Variants in MICAL3 observed in about 807,000 individuals in gnomAD.
MICAL3 encodes the protein microtubule associated monooxygenase, calponin and LIM domain containing 3, also known as [F-actin]-monooxygenase MICAL3.
In MICAL3, 62 loss-of-function variants were observed where a neutral mutation model predicts 207.4. The observed-to-expected ratio is 0.30, with a 90% CI of 0.24 to 0.37. The LOEUF is 0.37. MICAL3 is among the 10% of genes least tolerant of loss of function. MICAL3 has a pLI of 1.00. For synonymous variants in MICAL3, 1,077 were observed against 1,069.3 expected (o/e 1.01, Z -0.14); for missense variants, 2,368 against 2,635.6 (o/e 0.90, Z 2.22).
At chr22:17,820,546 G>T (rs958944267) in intron 25 of MICAL3, among the ~76,000 whole-genome samples, 1 of 152,138 alleles carries the variant, frequency 6.6e-6, no homozygotes, top group Non-Finnish European at 1.5e-5. Flanking sequence ...AGTAGAGACA[G>T]GCTATCACTG....
rs1217192232 is a variant in MICAL3, at chr22:17,902,163, C to G, written c.590-184G>C. 6.6e-6 allele frequency among the ~76,000 whole-genome samples: 1 copy of G among 152,204 alleles called. No individual in the cohort carries two copies. Among genetic ancestry groups the G allele is most frequent in the Non-Finnish European group, 1.5e-5 (1 of 68,028 alleles). Reference sequence around the variant, plus strand: ...CCTCTAATCCCAGCACTATGCGAGGCAGAGGCTGGCAGACTACTTGAGGCC... The same window carrying G: ...CCTCTAATCCCAGCACTATGCGAGGGAGAGGCTGGCAGACTACTTGAGGCC... On this transcript the variant is annotated intron_variant, in intron 4 of 31. Transcript: ENST00000441493. This position sits in a 1 kb window ranked among gnomAD's most constrained non-coding sequence, Gnocchi z 4.5.
rs1432875243 is a variant in MICAL3, at chr22:17,947,714, A to C, written c.-74-40828T>G. 4.6e-5 allele frequency among the ~76,000 whole-genome samples: 7 copies of C among 151,422 alleles called. No individual in the cohort carries two copies. The East Asian group carries it at 1.4e-3, about 29-fold the overall frequency. ...GCTGGGACCACAGGCGATGGTGTGC[A>C]CCACCACACCCGGCTGATATTTTCT... On this transcript the variant is annotated intron_variant, in intron 1 of 31. Coordinates refer to ENST00000441493, the MANE Select transcript of MICAL3 (RefSeq NM_015241.3).
chr22:17,910,759 G>C (rs945377673), intron 1 of MICAL3, among the ~76,000 whole-genome samples: 2 of 152,172 alleles, frequency 1.3e-5, no homozygotes, highest in African/African-American at 4.8e-5. Flanking sequence ...GGGCTTACCC[G>C]GCATTCTCCT....
intron 20 of MICAL3, among the ~76,000 whole-genome samples, chr22:17,836,515 C>G (rs1923387079): frequency 6.6e-6 from 1 of 152,182 alleles, no homozygotes; most frequent in Middle Eastern, 3.2e-3. Context: ...AGGGTGGCTA[C>G]TGTCAGGAAG....
rs988545106 is a variant in MICAL3 at position 17,864,431 on chromosome 22, G to A, written c.2605+468C>T. 33 of 1,401,372 alleles carry A rather than the reference G, an allele frequency of 2.4e-5. No individual in the cohort carries two copies. In the African/African-American group the frequency reaches 2.9e-4, roughly 12 times the overall value. 86.8% of individuals were successfully genotyped at this position (1,401,372 alleles called of 1,614,324 possible). On this transcript the variant is annotated intron_variant, in intron 19 of 31. Transcript: ENST00000441493. Reference sequence around the variant, plus strand: ...GAAGGTGAACCCAAAACAAGACCACGGGGCTTAATCAACACAGCTCCAGGC... The same window carrying A: ...GAAGGTGAACCCAAAACAAGACCACAGGGCTTAATCAACACAGCTCCAGGC...
chr22:17,996,180 C>T (rs1922253228), intron 1 of MICAL3, among the ~76,000 whole-genome samples: 1 of 150,058 alleles, frequency 6.7e-6, no homozygotes, highest in Non-Finnish European at 1.5e-5. Context: ...TGGCTCACAC[C>T]TGTAATCCCA....
intron 1 of MICAL3, among the ~76,000 whole-genome samples, chr22:17,986,184 C>T (rs530071008): frequency 3.3e-5 from 5 of 152,296 alleles, no homozygotes; most frequent in Non-Finnish European, 7.4e-5. Context: ...GGATTACAGG[C>T]GTGAGCCACC....
chr22:17,952,924 G>GT (rs1934419210), intron 1 of MICAL3, among the ~76,000 whole-genome samples: 3 of 152,208 alleles, frequency 2.0e-5, no homozygotes, highest in Admixed American at 1.3e-4. Context: ...TGTAACATAT[G>GT]TAAAATGCCT....
rs990941087 is a variant in MICAL3 at position 17,818,332 on chromosome 22, C to T, written c.4329G>A (p.Gln1443=). 2.1e-5 allele frequency: 33 copies of T among 1,587,466 alleles called. No homozygotes were observed. The African/African-American group carries it at 3.9e-4, about 19-fold the overall frequency. The change falls in exon 26 of 32, where the codon CAG becomes CAA. Residue 1443 remains glutamine (Q), a synonymous_variant. Transcript: ENST00000441493. Reference sequence around the variant, plus strand: ...TGGCGGAGTCCGAGGTGTTGAAGCTCTGGCTGCCCAGTGTCTTCATGTTGG... The same window carrying T: ...TGGCGGAGTCCGAGGTGTTGAAGCTTTGGCTGCCCAGTGTCTTCATGTTGG... ...SSSNMKTLGS[Q]SFNTSDSAML...
At chr22:17,953,622 G>A (rs1934455718) in intron 1 of MICAL3, among the ~76,000 whole-genome samples, 1 of 152,096 alleles carries the variant, frequency 6.6e-6, no homozygotes, top group Non-Finnish European at 1.5e-5. Flanking sequence ...GAAACTCCTT[G>A]CTCTAGTGTT....
chr22:17,876,874 G>GGGAAGTTAT (rs1928538087), intron 16 of MICAL3: 1 of 18,558 alleles, frequency 5.4e-5, no homozygotes, highest in Admixed American at 5.4e-4. Flanking sequence ...AGGGAGGTTA[G>GGGAAGTTAT]GGAGGTTAGG....
intron 16 of MICAL3, among the ~76,000 whole-genome samples, chr22:17,877,522 G>GGAGGTTAGGGAGGTTAA: frequency 1.9e-5 from 1 of 51,708 alleles, no homozygotes; most frequent in Non-Finnish European, 4.0e-5. Flanking sequence ...AGGGAGGTTA[G>GGAGGTTAGGGAGGTTAA]GGAGGTGAGG....
At chr22:17,975,517 G>A (rs2146420886) in intron 1 of MICAL3, among the ~76,000 whole-genome samples, 1 of 151,726 alleles carries the variant, frequency 6.6e-6, no homozygotes, top group East Asian at 1.9e-4. Context: ...CCCACACCCA[G>A]CCCCCCAGCT....
rs1929664581 is a variant in MICAL3 at position 17,884,148 on chromosome 22, G to A, written c.2241+1730C>T. On this transcript the variant is annotated intron_variant, in intron 16 of 31. Coordinates refer to ENST00000441493, the MANE Select transcript of MICAL3 (RefSeq NM_015241.3). ...GTTTTCCCAGAGCTACTACTCGAAT[G>A]AGCAGAGATTTCCTGCCCTCATGAG... 1.2e-5 allele frequency: 7 copies of A among 570,416 alleles called. No individual in the cohort carries two copies. In the East Asian group the frequency reaches 2.4e-4, roughly 19 times the overall value. The allele number at this position is 570,416 out of a possible 1,614,324, so 35.3% of individuals were successfully genotyped here. A position where few individuals can be genotyped will look rare whatever the true frequency, so the allele number is the denominator to read the frequency against.
rs558044179 is a variant in MICAL3, at chr22:17,810,346, A to T, written c.5556+357T>A. On this transcript the variant is annotated intron_variant, in intron 28 of 31. Transcript: ENST00000441493. ...CCAAAGTGCTGAGATTATAGGCATG[A>T]GCCACCGCACCCAGCCAATTTTTGT... Among the ~76,000 whole-genome samples the T allele has an allele frequency of 3.3e-5, 5 of 152,050 alleles. 1 individual carries two copies. In the Middle Eastern group the frequency reaches 0.01, roughly 310 times the overall value.
At chr22:17,996,296 T>C (rs1211804034) in intron 1 of MICAL3, among the ~76,000 whole-genome samples, 1 of 150,594 alleles carries the variant, frequency 6.6e-6, no homozygotes, top group Non-Finnish European at 1.5e-5. Flanking sequence ...TACAGAAAAT[T>C]AGCCGGGCAT....
At chr22:18,020,965 T>A (rs568520177) in intron 1 of MICAL3, among the ~76,000 whole-genome samples, 43 of 136,266 alleles carry the variant, frequency 3.2e-4, no homozygotes, top group African/African-American at 6.7e-4. Context: ...AATAAATAAA[T>A]AAAATGGCCC....
intron 2 of MICAL3, among the ~76,000 whole-genome samples, chr22:17,905,404 A>T (rs1173062922): frequency 3.9e-5 from 6 of 152,164 alleles, no homozygotes; most frequent in Non-Finnish European, 7.3e-5. Flanking sequence ...TGATCTCGAA[A>T]ATCCACACTC....
intron 19 of MICAL3, chr22:17,864,099 TGA>T (rs1206515448): frequency 2.8e-5 from 28 of 987,036 alleles, no homozygotes; most frequent in Non-Finnish European, 3.2e-5. Context: ...TACAAGTTGC[TGA>T]GAGAGGCCAT....
Sources: allele counts gnomAD v4.1 joint callset (sites outside exome capture counted in the v4.1 genomes callset), GRCh38; gene constraint gnomAD v4.1.1; non-coding constraint Gnocchi (gnomAD v3.1); transcripts MANE v1.5; gene names NCBI Gene and HGNC (gene_info 2026-07-23, HGNC 2026-07-21).